The following ABCC9 variants were observed in gnomAD, a reference collection of about 807,000 sequenced individuals.
ABCC9 encodes ATP binding cassette subfamily C member 9.
In ABCC9, 95 loss-of-function variants were observed where a neutral mutation model predicts 188.3. That is an observed-to-expected ratio of 0.50 (90% CI 0.43 to 0.60). The LOEUF (loss-of-function observed/expected upper bound fraction) is 0.60, where lower values mean the gene tolerates loss of function less well. ABCC9 is among the 20% of genes least tolerant of loss of function. The probability of loss-of-function intolerance (pLI) is 0.00; values close to 1 mark genes in which losing one functional copy is unlikely to be tolerated. For synonymous variants in ABCC9, 659 were observed against 652.7 expected, an observed-to-expected ratio of 1.01 and a Z score of -0.15; for missense variants, 1,102 against 1,876.3, an observed-to-expected ratio of 0.59 and a Z score of 7.62.
At chr12:21,935,474 T>C (rs983821140) in intron 3 of ABCC9, among the ~76,000 whole-genome samples, 2 of 152,174 alleles carry the variant, frequency 1.3e-5, no homozygotes, top group Admixed American at 6.5e-5. Flanking sequence ...TCAATTGATA[T>C]TTGTTAAATG....
chr12:21,924,071 G>A (rs1276735714), intron 5 of ABCC9: 2 of 397,344 alleles, frequency 5.0e-6, no homozygotes, highest in Non-Finnish European at 8.9e-6. Flanking sequence ...CCATGGTGGG[G>A]GTAAAAATCA....
In ABCC9 at chr12:21,844,560, A is replaced by G; in HGVS notation, c.3246-8T>C. On this transcript the variant is annotated splice_region_variant and splice_polypyrimidine_tract_variant and intron_variant, in intron 27 of 39. Coordinates refer to ENST00000261200, the MANE Select transcript of ABCC9 (RefSeq NM_020297.4). The stretch of plus-strand genomic sequence containing the variant: ...GGTGTGGTATCAAAAAACCTAGGCA[A>G]TAAACAGATGGAAGTATATGATAAT... 1 of 1,612,832 alleles carries G rather than the reference A, an allele frequency of 6.2e-7. No individual in the cohort carries two copies. The highest frequency in any genetic ancestry group is 1.3e-5 in the African/African-American group (1 of 75,018).
chr12:21,834,915 A>G (rs1943992595), intron 30 of ABCC9, among the ~76,000 whole-genome samples: 1 of 151,944 alleles, frequency 6.6e-6, no homozygotes, highest in Admixed American at 6.6e-5. Flanking sequence ...ACAGGGACCA[A>G]CTTGCTAAAC....
At chr12:21,859,463 A>T in intron 22 of ABCC9, 123 bp downstream of exon 22, 1 of 934,548 alleles carries the variant, frequency 1.1e-6, no homozygotes, top group Non-Finnish European at 1.8e-6. Context: ...TTTCCCCTAT[A>T]TACTTTACGA....
In ABCC9 at chr12:21,841,347, C is replaced by CTTTTTTTTTTTTTTTTTTTTTTT. The variant is rs1174314931; in HGVS notation, c.3473+944_3473+966dup. 1.0e-4 allele frequency among the ~76,000 whole-genome samples: 2 copies of CTTTTTTTTTTTTTTTTTTTTTTT among 19,604 alleles called. 1 individual carries two copies. The highest frequency in any genetic ancestry group is 5.2e-4 in the African/African-American group (2 of 3,810). 12.9% of individuals were successfully genotyped at this position (19,604 alleles called of 152,430 possible). A position where few individuals can be genotyped will look rare whatever the true frequency, so the allele number is the denominator to read the frequency against. ...TCTTTGGGATTATGTTTCTGGTTTC[C>CTTTTTTTTTTTTTTTTTTTTTTT]TTTTTTTTTTTTTTTTTTTTTTTTT... On this transcript the variant is annotated intron_variant, in intron 29 of 39. Transcript: ENST00000261200.
At chr12:21,928,613 T>C (rs1418388511) in intron 4 of ABCC9, among the ~76,000 whole-genome samples, 4 of 152,042 alleles carry the variant, frequency 2.6e-5, no homozygotes, top group Non-Finnish European at 5.9e-5. Flanking sequence ...TGATAAGAAA[T>C]AATTATAATA....
intron 4 of ABCC9, among the ~76,000 whole-genome samples, chr12:21,931,440 C>T (rs1367184710): frequency 2.0e-5 from 3 of 151,296 alleles, no homozygotes; most frequent in African/African-American, 7.3e-5. Context: ...TTTCGAAAAG[C>T]CTGAATAAAA....
intron 37 of ABCC9, among the ~76,000 whole-genome samples, chr12:21,809,278 A>T (rs1383764168): frequency 1.3e-5 from 2 of 152,288 alleles, no homozygotes; most frequent in East Asian, 3.9e-4. Flanking sequence ...CTGAATTTTT[A>T]TCAGTGATTG....
intron 22 of ABCC9, among the ~76,000 whole-genome samples, chr12:21,853,320 C>A (rs1316419686): frequency 6.6e-6 from 1 of 151,872 alleles, no homozygotes; most frequent in East Asian, 1.9e-4. Flanking sequence ...CAGAACGAGA[C>A]TCTGTCAAAA....
intron 31 of ABCC9, among the ~76,000 whole-genome samples, chr12:21,822,230 A>G (rs1055509679): frequency 4.6e-5 from 7 of 152,210 alleles, no homozygotes; most frequent in South Asian, 2.1e-4. Flanking sequence ...TTCTTTTTAA[A>G]GAAAAAGTCA....
chr12:21,890,748 C>T (rs1379739109), intron 14 of ABCC9, among the ~76,000 whole-genome samples: 1 of 151,214 alleles, frequency 6.6e-6, no homozygotes, highest in Non-Finnish European at 1.5e-5. Context: ...CATGTTCTCA[C>T]TCATACGTGG....
intron 38 of ABCC9, 104 bp from the exon 39 acceptor site, chr12:21,806,164 CAA>C (rs1325460747): frequency 7.9e-6 from 8 of 1,010,218 alleles, no homozygotes; most frequent in Non-Finnish European, 1.2e-5. Context: ...TGAGCATTCT[CAA>C]TCCCTCATTT....
At chr12:21,827,527 A>AACACACACACACACACACACAC (rs199954253) in intron 31 of ABCC9, 1 of 142,580 alleles carries the variant, frequency 7.0e-6, no homozygotes, top group Non-Finnish European at 1.5e-5. Flanking sequence ...CTTATAGAAC[A>AACACACACACACACACACACAC]ACACACACAC....
intron 17 of ABCC9, among the ~76,000 whole-genome samples, chr12:21,874,331 G>T (rs1353611714): frequency 1.3e-5 from 2 of 152,064 alleles, no homozygotes; most frequent in East Asian, 1.9e-4. Flanking sequence ...TGTTAGGATG[G>T]CTGTAATAAA....
At chr12:21,865,487 TATG>T (rs1379405565) in intron 18 of ABCC9, among the ~76,000 whole-genome samples, 1 of 152,134 alleles carries the variant, frequency 6.6e-6, no homozygotes, top group African/African-American at 2.4e-5. Context: ...TTCCACGCAA[TATG>T]CTTTAGATAA....
chr12:21,889,131 C>A (rs1565450670), intron 14 of ABCC9, among the ~76,000 whole-genome samples: 1 of 152,154 alleles, frequency 6.6e-6, no homozygotes. Context: ...TGCCCATGAT[C>A]TTTAAGTGTT....
chr12:21,912,798 G>T (rs760268353), intron 8 of ABCC9, 74 bp downstream of exon 8: 20 of 1,463,868 alleles, frequency 1.4e-5, no homozygotes, highest in Non-Finnish European at 1.9e-5. Flanking sequence ...TCATAAAACT[G>T]CATTAATAAA....
chr12:21,807,850 G>GATAAGAT (rs1365028598), intron 37 of ABCC9, among the ~76,000 whole-genome samples: 1 of 152,126 alleles, frequency 6.6e-6, no homozygotes, highest in Admixed American at 6.6e-5. Context: ...TAGCTAATTT[G>GATAAGAT]ATAAGATACA....
At chr12:21,842,273 A>G (rs1944429590) in intron 29 of ABCC9, 41 bp downstream of exon 29, 1 of 1,598,792 alleles carries the variant, frequency 6.3e-7, no homozygotes, top group African/African-American at 1.3e-5. Flanking sequence ...GGCTGACTGT[A>G]GATAAGCTTT....
Sources: gnomAD v4.1 joint callset for allele counts (sites outside exome capture counted in the v4.1 genomes callset) on GRCh38, gnomAD v4.1.1 for gene constraint, MANE v1.5 for transcripts, NCBI Gene and HGNC (gene_info 2026-07-23, HGNC 2026-07-21) for gene names.